Variants in LSAMP observed in about 807,000 individuals in gnomAD.
LSAMP encodes the protein limbic system-associated membrane protein.
LSAMP carries 7 observed loss-of-function variants against 38.6 expected under a neutral mutation model. That is an observed-to-expected ratio of 0.18 (90% confidence interval 0.10 to 0.34). The LOEUF is 0.34. Among genes scored for constraint, LSAMP ranks in the 10% least tolerant of loss-of-function variants. The pLI, the probability that LSAMP is intolerant of heterozygous loss-of-function variation, is 1.00. For missense variants in LSAMP, 313 were observed against 420.0 expected (o/e 0.75, Z 2.23); for synonymous variants, 154 against 166.8 (o/e 0.92, Z 0.59).
chr3:116,406,967 T>G (rs528352398), intron 1 of LSAMP, among the ~76,000 whole-genome samples: 2 of 152,196 alleles, frequency 1.3e-5, no homozygotes, highest in South Asian at 4.1e-4. Context: ...ATGGCTCTTT[T>G]TAGTAATTCT....
chr3:116,306,280 T>C (rs959934206), intron 1 of LSAMP, among the ~76,000 whole-genome samples: 1 of 151,996 alleles, frequency 6.6e-6, no homozygotes, highest in African/African-American at 2.4e-5. Flanking sequence ...AAAAGTGTAG[T>C]CAGATTAGAA....
At chr3:116,266,193 A>ATAC (rs2046889746) in intron 1 of LSAMP, among the ~76,000 whole-genome samples, 1 of 152,158 alleles carries the variant, frequency 6.6e-6, no homozygotes, top group Admixed American at 6.5e-5. Flanking sequence ...CTGCAGAGAA[A>ATAC]TACTACTTAA....
chr3:116,264,385 A>G (rs1216933016), intron 1 of LSAMP, among the ~76,000 whole-genome samples: 2 of 152,162 alleles, frequency 1.3e-5, no homozygotes, highest in East Asian at 3.9e-4. Context: ...GATGTTTCCC[A>G]TATGCTAGTA....
At chr3:116,250,698 C>A (rs77066386) in intron 1 of LSAMP, among the ~76,000 whole-genome samples, 226 of 141,718 alleles carry the variant, frequency 1.6e-3, no homozygotes, top group East Asian at 1.7e-3. Context: ...CTTGTATCTA[C>A]AAAAAAAAAA....
chr3:116,357,422 G>A (rs966483456), intron 1 of LSAMP, among the ~76,000 whole-genome samples: 10 of 152,262 alleles, frequency 6.6e-5, no homozygotes, highest in Admixed American at 5.9e-4. Context: ...GTCTCCTCAA[G>A]TTTAAAAAAG....
intron 3 of LSAMP, among the ~76,000 whole-genome samples, chr3:115,854,484 G>A (rs1345483616): frequency 1.3e-5 from 2 of 151,646 alleles, no homozygotes; most frequent in African/African-American, 2.4e-5. Context: ...GGGTTTCACC[G>A]TGTTAGCCAA....
intron 3 of LSAMP, among the ~76,000 whole-genome samples, chr3:116,018,069 T>C (rs936373250): frequency 1.3e-5 from 2 of 152,156 alleles, no homozygotes; most frequent in African/African-American, 4.8e-5. Flanking sequence ...CATATTTTTT[T>C]TCCACATGAG....
At chr3:116,329,921 A>G (rs554736874) in intron 1 of LSAMP, among the ~76,000 whole-genome samples, 1 of 152,252 alleles carries the variant, frequency 6.6e-6, no homozygotes, top group East Asian at 1.9e-4. Context: ...AATTAAATTA[A>G]CGTTTAATGT....
At chr3:115,979,868 C>T (rs926970119) in intron 3 of LSAMP, among the ~76,000 whole-genome samples, 6 of 152,026 alleles carry the variant, frequency 3.9e-5, no homozygotes, top group Admixed American at 1.3e-4. Context: ...CTAACTAATT[C>T]TAAATGGAAA....
intron 1 of LSAMP, among the ~76,000 whole-genome samples, chr3:116,293,165 T>A (rs1403189704): frequency 6.6e-6 from 1 of 152,168 alleles, no homozygotes; most frequent in Non-Finnish European, 1.5e-5. Context: ...CTGGTTCTGC[T>A]ACCAAGGTGA....
At chr3:116,332,037 C>A (rs1019285826) in intron 1 of LSAMP, among the ~76,000 whole-genome samples, 4 of 151,996 alleles carry the variant, frequency 2.6e-5, no homozygotes, top group African/African-American at 9.6e-5. Flanking sequence ...GATGGTGTCT[C>A]GGTAAGTTGT....
intron 3 of LSAMP, among the ~76,000 whole-genome samples, chr3:115,889,044 C>A (rs1936527765): frequency 6.6e-6 from 1 of 151,826 alleles, no homozygotes; most frequent in Non-Finnish European, 1.5e-5. Context: ...TTGTTTACGC[C>A]ATCTGTTGAG....
intron 1 of LSAMP, among the ~76,000 whole-genome samples, chr3:116,333,230 A>G (rs1288090639): frequency 6.6e-6 from 1 of 152,022 alleles, no homozygotes; most frequent in African/African-American, 2.4e-5. Flanking sequence ...TTAGGCCACA[A>G]AGGAAGTCTC....
intron 3 of LSAMP, among the ~76,000 whole-genome samples, chr3:115,960,533 C>G (rs560728558): frequency 6.6e-6 from 1 of 152,136 alleles, no homozygotes; most frequent in East Asian, 1.9e-4. Context: ...TCTACTGATG[C>G]ATGTTGTCAT....
At chr3:115,848,055 G>A (rs573540448) in intron 4 of LSAMP, among the ~76,000 whole-genome samples, 8,666 of 146,284 alleles carry the variant, frequency 0.059, 830 homozygotes, top group African/African-American at 0.2. Context: ...ATTCATATTA[G>A]GATATGTCTT....
chr3:116,287,374 T>C (rs957843741), intron 1 of LSAMP, among the ~76,000 whole-genome samples: 1 of 152,112 alleles, frequency 6.6e-6, no homozygotes, highest in Non-Finnish European at 1.5e-5. Context: ...AAGACTTAAT[T>C]TGCAATCCAC....
intron 1 of LSAMP, among the ~76,000 whole-genome samples, chr3:116,141,152 A>G (rs1480292659): frequency 6.6e-6 from 1 of 151,996 alleles, no homozygotes; most frequent in Non-Finnish European, 1.5e-5. Flanking sequence ...AATTTTATTT[A>G]TAGGTTACTT....
intron 1 of LSAMP, among the ~76,000 whole-genome samples, chr3:116,156,385 A>G (rs1298075264): frequency 6.6e-6 from 1 of 152,130 alleles, no homozygotes; most frequent in Non-Finnish European, 1.5e-5. Context: ...ATTTATTTCC[A>G]TCTGAACACT....
intron 1 of LSAMP, among the ~76,000 whole-genome samples, chr3:116,270,607 G>C (rs1243854401): frequency 6.6e-6 from 1 of 152,016 alleles, no homozygotes; most frequent in Non-Finnish European, 1.5e-5. Flanking sequence ...TGTATTCCTA[G>C]AAACACCAGG....
Sources: gnomAD v4.1 joint callset for allele counts (sites outside exome capture counted in the v4.1 genomes callset) on GRCh38, gnomAD v4.1.1 for gene constraint, MANE v1.5 for transcripts, NCBI Gene and HGNC (gene_info 2026-07-23, HGNC 2026-07-21) for gene names.